WDR7: variants seen among roughly 807,000 people sequenced by gnomAD.
The protein encoded by WDR7 is WD repeat domain 7.
A neutral mutation model predicts 169.4 loss-of-function variants in WDR7; 46 were observed. The ratio of observed to expected loss-of-function variants is 0.27; its 90% CI spans 0.21 to 0.35. WDR7 has a LOEUF of 0.35. WDR7 is among the 10% of genes least tolerant of loss of function. The pLI, the probability that WDR7 is intolerant of heterozygous loss-of-function variation, is 1.00. For synonymous variants in WDR7, 612 were observed against 666.8 expected (o/e 0.92, Z 1.27); for missense variants, 1,534 against 1,859.3 (o/e 0.83, Z 3.22).
chr18:57,001,268 GAGA>G (rs2047974524), intron 26 of WDR7, among the ~76,000 whole-genome samples: 2 of 151,986 alleles, frequency 1.3e-5, no homozygotes, highest in Non-Finnish European at 2.9e-5. Flanking sequence ...AGAATTCAAG[GAGA>G]AGAACACTTC....
intron 1 of WDR7, among the ~76,000 whole-genome samples, chr18:56,656,150 A>T (rs1007842174): frequency 6.6e-6 from 1 of 151,944 alleles, no homozygotes; most frequent in Non-Finnish European, 1.5e-5. Context: ...TGGTAAGTGT[A>T]TGTTTAGTTT....
At chr18:56,749,193 AATTT>A (rs1204502388) in intron 14 of WDR7, among the ~76,000 whole-genome samples, 1 of 152,078 alleles carries the variant, frequency 6.6e-6, no homozygotes, top group Admixed American at 6.5e-5. Flanking sequence ...TAAAATATTT[AATTT>A]ATTTTTCCTG....
intron 20 of WDR7, among the ~76,000 whole-genome samples, chr18:56,862,125 A>C (rs2045813609): frequency 6.6e-6 from 1 of 152,016 alleles, no homozygotes; most frequent in Non-Finnish European, 1.5e-5. Flanking sequence ...ACGAAGAAAA[A>C]TTCAGAAACA....
At chr18:56,758,052 C>T (rs2043924804) in intron 15 of WDR7, among the ~76,000 whole-genome samples, 1 of 151,828 alleles carries the variant, frequency 6.6e-6, no homozygotes, top group Non-Finnish European at 1.5e-5. Flanking sequence ...GATTTGGCTT[C>T]AGAATTTTGT....
chr18:56,899,490 T>G (rs140866371), intron 21 of WDR7, among the ~76,000 whole-genome samples: 192 of 152,212 alleles, frequency 1.3e-3, no homozygotes, highest in African/African-American at 4.4e-3. Flanking sequence ...AAAATTCTTA[T>G]ATTAAAGACA....
At chr18:56,689,917 C>G (rs1044329960) in intron 7 of WDR7, among the ~76,000 whole-genome samples, 5 of 151,908 alleles carry the variant, frequency 3.3e-5, no homozygotes, top group Admixed American at 1.3e-4. Flanking sequence ...ATGTTATACA[C>G]TGATAAATAT....
At chr18:56,809,564 A>G (rs1249122643) in intron 19 of WDR7, among the ~76,000 whole-genome samples, 1 of 152,072 alleles carries the variant, frequency 6.6e-6, no homozygotes, top group Non-Finnish European at 1.5e-5. Context: ...ATACCCTGAA[A>G]TTTCCATAAA....
intron 1 of WDR7, among the ~76,000 whole-genome samples, chr18:56,668,983 A>G (rs1484823695): frequency 6.6e-6 from 1 of 151,672 alleles, no homozygotes; most frequent in Non-Finnish European, 1.5e-5. Context: ...TGGTCGCTTG[A>G]TCTTATGACA....
chr18:57,014,892 C>T (rs1031043006), intron 26 of WDR7, among the ~76,000 whole-genome samples: 6 of 151,756 alleles, frequency 4.0e-5, no homozygotes, highest in African/African-American at 1.5e-4. Flanking sequence ...AAAGAGGGGG[C>T]AGGCTGCTGC....
At position 56,719,378 on chromosome 18, in the gene WDR7, A is replaced by C. The variant is rs115765361; in HGVS notation, c.1774+1219A>C. ...GGAGATCAAGACCATCTTGGCTAAC[A>C]CTTGAAACCCCGTTTCTACTAAAAA... On this transcript the variant is annotated intron_variant, in intron 13 of 27. Coordinates refer to ENST00000254442, the MANE Select transcript of WDR7 (RefSeq NM_015285.3). Among the ~76,000 whole-genome samples, 582 of 152,166 alleles carry C rather than the reference A, an allele frequency of 3.8e-3. 10 individuals are homozygous for C. The highest frequency in any genetic ancestry group is 0.014 in the African/African-American group (562 of 41,506).
chr18:56,906,860 TGCTTATCTTTG>T (rs1324309229), intron 21 of WDR7, among the ~76,000 whole-genome samples: 5 of 152,218 alleles, frequency 3.3e-5, no homozygotes, highest in African/African-American at 1.2e-4. Context: ...TTTCTACTTT[TGCTTATCTTTG>T]CATTTTGCAT....
rs536508102 is a variant in WDR7, at chr18:56,939,819, G to A, written c.4064+426G>A. Among the ~76,000 whole-genome samples the A allele has an allele frequency of 5.4e-4, 82 of 152,020 alleles. No homozygotes were observed. The Middle Eastern group carries it at 0.01, about 19-fold the overall frequency. On this transcript the variant is annotated intron_variant, in intron 25 of 27. Coordinates refer to ENST00000254442, the MANE Select transcript of WDR7 (RefSeq NM_015285.3). ...ATACCAAGGCCAGTCTTTGCATTAC[G>A]TTCTCTTAAGTATAGGTGTTTTCCT...
chr18:57,004,012 C>T (rs907248560), intron 26 of WDR7, among the ~76,000 whole-genome samples: 4 of 151,938 alleles, frequency 2.6e-5, no homozygotes, highest in Non-Finnish European at 5.9e-5. Context: ...ATACCCTCCA[C>T]ATGTGTGTAT....
At chr18:56,656,583 A>ATTT (rs10648827) in intron 1 of WDR7, among the ~76,000 whole-genome samples, 16,846 of 146,122 alleles carry the variant, frequency 0.12, 1,034 homozygotes, top group Non-Finnish European at 0.13. Context: ...CCCGGCCACT[A>ATTT]TTTTTTTTTT....
chr18:56,866,576 G>A (rs2145427310), intron 20 of WDR7, among the ~76,000 whole-genome samples: 1 of 152,064 alleles, frequency 6.6e-6, no homozygotes, highest in South Asian at 2.1e-4. Context: ...AAAAACATTG[G>A]ATTAAGTATT....
intron 25 of WDR7, among the ~76,000 whole-genome samples, chr18:56,957,021 C>T (rs554242705): frequency 6.6e-6 from 1 of 152,108 alleles, no homozygotes; most frequent in Admixed American, 6.6e-5. Flanking sequence ...TGCTTTGATG[C>T]AGCTTTGGTG....
chr18:56,655,541 G>C (rs1307331968), intron 1 of WDR7, among the ~76,000 whole-genome samples: 1 of 151,034 alleles, frequency 6.6e-6, no homozygotes, highest in Admixed American at 6.6e-5. Context: ...GATCACCTAA[G>C]CCTGGGAAGG....
intron 26 of WDR7, among the ~76,000 whole-genome samples, chr18:57,015,932 C>A (rs1166235456): frequency 2.6e-5 from 4 of 152,242 alleles, no homozygotes; most frequent in African/African-American, 9.6e-5. Flanking sequence ...ACAGACACTT[C>A]ATTCAGGCTC....
intron 15 of WDR7, among the ~76,000 whole-genome samples, chr18:56,758,072 A>T (rs989965368): frequency 6.6e-6 from 1 of 152,314 alleles, no homozygotes; most frequent in East Asian, 1.9e-4. Flanking sequence ...TGAGAAGTAT[A>T]GTCAGAATTT....
Sources: allele counts gnomAD v4.1 joint callset (sites outside exome capture counted in the v4.1 genomes callset), GRCh38; gene constraint gnomAD v4.1.1; transcripts MANE v1.5; gene names NCBI Gene and HGNC (gene_info 2026-07-23, HGNC 2026-07-21).